PANK3: variants seen among roughly 807,000 people sequenced by gnomAD.
PANK3 encodes hPanK3.
A neutral mutation model predicts 39.4 loss-of-function variants in PANK3; 20 were observed. The observed-to-expected ratio is 0.51, with a 90% CI of 0.36 to 0.74. The LOEUF (loss-of-function observed/expected upper bound fraction) is 0.74. PANK3 is among the 30% of genes least tolerant of loss of function. PANK3 has a pLI of 0.00. For synonymous variants in PANK3, 140 were observed against 157.3 expected (o/e 0.89, Z 0.82); for missense variants, 265 against 437.0 (o/e 0.61, Z 3.51).
intron 1 of PANK3, chr5:168,578,749 A>C (rs1245171631): frequency 6.5e-6 from 1 of 153,010 alleles, no homozygotes; most frequent in Non-Finnish European, 1.5e-5. Flanking sequence ...AACAAAAACA[A>C]GCCAAAGCAA....
chr5:168,561,981 A>C (rs1399591177), intron 4 of PANK3, among the ~76,000 whole-genome samples: 1 of 152,204 alleles, frequency 6.6e-6, no homozygotes, highest in African/African-American at 2.4e-5. Context: ...AGTAATATAT[A>C]ATTTCATATA....
rs1759354236 is a variant in PANK3, at chr5:168,556,635, A to G, written c.*936T>C. ...TCTGGCTCCTCAAACAGCAAAGGGT[A>G]ATAATAAGGCATGGTAGAGGTTTTC... On this transcript the variant is annotated 3_prime_UTR_variant, in exon 7 of 7. Coordinates refer to ENST00000239231, the MANE Select transcript of PANK3 (RefSeq NM_024594.4). 1 of 152,662 alleles carries G rather than the reference A, an allele frequency of 6.6e-6. No individual in the cohort carries two copies. The highest frequency in any genetic ancestry group is 1.5e-5 in the Non-Finnish European group (1 of 68,042). 9.5% of individuals were successfully genotyped at this position (152,662 alleles called of 1,614,324 possible).
At chr5:168,561,791 T>G (rs1759453258) in intron 4 of PANK3, among the ~76,000 whole-genome samples, 1 of 152,184 alleles carries the variant, frequency 6.6e-6, no homozygotes, top group Non-Finnish European at 1.5e-5. Context: ...TAAACCTGAT[T>G]CAAAACAAAT....
At chr5:168,559,252 C>T in intron 5 of PANK3, 95 bp from the exon 6 acceptor site, 1 of 827,010 alleles carries the variant, frequency 1.2e-6, no homozygotes. Flanking sequence ...TTTTAAAATG[C>T]AAAAAAACAC....
intron 6 of PANK3, among the ~76,000 whole-genome samples, 200 bp downstream of exon 6, chr5:168,558,832 T>C (rs1438285620): frequency 2.6e-5 from 4 of 152,004 alleles, no homozygotes; most frequent in Non-Finnish European, 5.9e-5. Context: ...TTAATAAAAA[T>C]AAATTTTCTG....
chr5:168,567,233 T>C (rs971413090), intron 2 of PANK3, among the ~76,000 whole-genome samples: 5 of 152,354 alleles, frequency 3.3e-5, no homozygotes, highest in Admixed American at 2.0e-4. Context: ...CAATCTGGCA[T>C]GTGTAGCTTT....
chr5:168,561,546 C>G, intron 4 of PANK3, 30 bp from the exon 5 acceptor site: 1 of 1,532,700 alleles, frequency 6.5e-7, no homozygotes, highest in African/African-American at 1.4e-5. Context: ...AAAGTCAAAT[C>G]TGCTGATAAA....
rs1356736432 is a variant in PANK3 at position 168,553,818 on chromosome 5, C to CG, written c.*3752_*3753insC. 3 of 153,062 alleles carry CG rather than the reference C, an allele frequency of 2.0e-5. No individual in the cohort carries two copies. The highest frequency in any genetic ancestry group is 4.4e-5 in the Non-Finnish European group (3 of 68,586). The allele number at this position is 153,062 out of a possible 1,614,324, so 9.5% of individuals were successfully genotyped here. ...CCTCAGTAATGCTATAAAACTCACT[C>CG]ATCATTACAGCATCTCTGCATTCTT... On this transcript the variant is annotated 3_prime_UTR_variant, in exon 7 of 7. Transcript: ENST00000239231.
intron 6 of PANK3, among the ~76,000 whole-genome samples, chr5:168,558,040 AAACT>A (rs1362505250): frequency 1.9e-4 from 29 of 152,188 alleles, no homozygotes; most frequent in Admixed American, 1.4e-3. Flanking sequence ...TTAATAAAAC[AAACT>A]AACTTCCTGT....
intron 1 of PANK3, among the ~76,000 whole-genome samples, chr5:168,577,042 G>A (rs1264756939): frequency 1.3e-5 from 2 of 151,866 alleles, no homozygotes; most frequent in South Asian, 4.2e-4. Context: ...CACCATGCTC[G>A]GCTAATTTTC....
At chr5:168,570,384 C>CAAAA (rs35264834) in intron 1 of PANK3, among the ~76,000 whole-genome samples, 19 of 84,244 alleles carry the variant, frequency 2.3e-4, no homozygotes, top group Non-Finnish European at 3.3e-4. Context: ...GACTCCGTCT[C>CAAAA]AAAAAAAAAA....
intron 1 of PANK3, among the ~76,000 whole-genome samples, chr5:168,571,340 G>C (rs1431807329): frequency 6.6e-6 from 1 of 152,164 alleles, no homozygotes; most frequent in Non-Finnish European, 1.5e-5. Flanking sequence ...TTTACTGAGT[G>C]CTCACTACCT....
intron 5 of PANK3, among the ~76,000 whole-genome samples, chr5:168,559,719 G>GT (rs1561839479): frequency 6.6e-6 from 1 of 151,978 alleles, no homozygotes; most frequent in Non-Finnish European, 1.5e-5. Context: ...TCAAAACATG[G>GT]TAAGTACTAT....
At position 168,561,519 on chromosome 5, in the gene PANK3, G is replaced by A; in HGVS notation, c.813-3C>T. ...CCTTATAAATCATATTCCCAAAACT[G>A]CAGAAAAATGAAAAATAAAGTCAAA... On this transcript the variant is annotated splice_region_variant and splice_polypyrimidine_tract_variant and intron_variant, in intron 4 of 6. Coordinates refer to ENST00000239231, the MANE Select transcript of PANK3 (RefSeq NM_024594.4). 1.3e-6 allele frequency: 2 copies of A among 1,549,370 alleles called. No individual in the cohort carries two copies. Among genetic ancestry groups the A allele is most frequent in the South Asian group, 1.2e-5 (1 of 80,794 alleles).
In PANK3 at chr5:168,550,296, A is replaced by C. The variant is rs931692877; in HGVS notation, c.*7275T>G. The stretch of plus-strand genomic sequence containing the variant: ...TTAAGATAGGCTAGGCTAAGCTGGG[A>C]TGTTCAGTAGGTTAGGCGTATTAAA... On this transcript the variant is annotated 3_prime_UTR_variant, in exon 7 of 7. Transcript: ENST00000239231. 6.6e-6 allele frequency: 1 copy of C among 152,188 alleles called. No individual in the cohort carries two copies. Among genetic ancestry groups the C allele is most frequent in the Non-Finnish European group, 1.5e-5 (1 of 68,034 alleles). The allele number at this position is 152,188 out of a possible 1,614,324, so 9.4% of individuals were successfully genotyped here. A position where few individuals can be genotyped will look rare whatever the true frequency, so the allele number is the denominator to read the frequency against.
chr5:168,575,681 G>A (rs1049281226), intron 1 of PANK3, among the ~76,000 whole-genome samples: 1 of 152,182 alleles, frequency 6.6e-6, no homozygotes, highest in African/African-American at 2.4e-5. Context: ...AGCTACTGGG[G>A]AGGCTGAGGG....
At chr5:168,557,697 C>A in intron 6 of PANK3, 76 bp from the exon 7 acceptor site, 1 of 1,087,274 alleles carries the variant, frequency 9.2e-7, no homozygotes, top group Non-Finnish European at 1.4e-6. Context: ...TGAGAACACA[C>A]AACTATGCAC....
At chr5:168,567,143 T>A (rs1169041654) in intron 2 of PANK3, among the ~76,000 whole-genome samples, 1 of 152,196 alleles carries the variant, frequency 6.6e-6, no homozygotes, top group Non-Finnish European at 1.5e-5. Flanking sequence ...TACCAAGTGT[T>A]TGTTTAGCAT....
At chr5:168,557,750 C>T (rs929431163) in intron 6 of PANK3, 129 bp from the exon 7 acceptor site, 19 of 681,268 alleles carry the variant, frequency 2.8e-5, no homozygotes, top group Middle Eastern at 2.6e-4. Context: ...CCAATTTCTG[C>T]GTTGTTAGCT....
Sources: allele counts gnomAD v4.1 joint callset (sites outside exome capture counted in the v4.1 genomes callset), GRCh38; gene constraint gnomAD v4.1.1; transcripts MANE v1.5; gene names NCBI Gene and HGNC (gene_info 2026-07-23, HGNC 2026-07-21).